FBLN7: variants seen among roughly 807,000 people sequenced by gnomAD.
FBLN7 encodes the protein fibulin-7.
Under a neutral mutation model 44.0 loss-of-function variants are expected in FBLN7, and 31 were observed. That is an observed-to-expected ratio of 0.70 (90% CI 0.53 to 0.95). The LOEUF (loss-of-function observed/expected upper bound fraction) is 0.95. FBLN7 is among the 40% of genes least tolerant of loss of function. The pLI is 0.00. For synonymous variants in FBLN7, 262 were observed against 253.4 expected (o/e 1.03, Z -0.32); for missense variants, 573 against 618.5 (o/e 0.93, Z 0.78).
chr2:112,138,625 C>T lies in FBLN7; in HGVS notation c.-31C>T. On this transcript the variant is annotated 5_prime_UTR_variant, in exon 1 of 8. Coordinates refer to ENST00000331203, the MANE Select transcript of FBLN7 (RefSeq NM_153214.3). ...CGGCAGCGGAGGCAAAGTTATTTCC[C>T]CTCCCAGGCAGCGGGATTCCGACTG... The T allele has an allele frequency of 4.3e-6, 7 of 1,613,716 alleles. No homozygotes were observed. The highest frequency in any genetic ancestry group is 5.9e-6 in the Non-Finnish European group (7 of 1,179,836).
the FBLN7 span, among the ~76,000 whole-genome samples, chr2:112,238,792 T>C: frequency 6.6e-6 from 1 of 152,252 alleles, no homozygotes; most frequent in Non-Finnish European, 1.5e-5. Context: ...AAATTCTAAA[T>C]TTGTACATTG....
At chr2:112,168,340 A>G (rs924464677) in intron 3 of FBLN7, among the ~76,000 whole-genome samples, 5 of 152,244 alleles carry the variant, frequency 3.3e-5, no homozygotes, top group Non-Finnish European at 5.9e-5. Context: ...GGTGATGGCC[A>G]GTCCAGGATG....
At chr2:112,140,485 G>A (rs1680585760) in intron 1 of FBLN7, among the ~76,000 whole-genome samples, 1 of 152,160 alleles carries the variant, frequency 6.6e-6, no homozygotes. Flanking sequence ...AGAGGTGCAG[G>A]GTCCCCCACC....
intron 2 of FBLN7, among the ~76,000 whole-genome samples, chr2:112,160,779 C>T (rs1246915578): frequency 6.9e-6 from 1 of 144,102 alleles, no homozygotes; most frequent in African/African-American, 2.6e-5. Flanking sequence ...CGCAGACGCA[C>T]ACGCACGCAC....
chr2:112,159,974 TTTTA>T, intron 2 of FBLN7, 139 bp downstream of exon 2: 1 of 572,478 alleles, frequency 1.7e-6, no homozygotes, highest in Non-Finnish European at 2.6e-6. Context: ...GCCCCCCCTT[TTTTA>T]TTTATTATTT....
chr2:112,167,506 A>T (rs929179102), intron 3 of FBLN7, among the ~76,000 whole-genome samples: 11 of 152,100 alleles, frequency 7.2e-5, no homozygotes, highest in African/African-American at 2.7e-4. Context: ...GACCCCCTCA[A>T]TGGAAAAGAG....
downstream of FBLN7, chr2:112,189,732 A>G (rs1384223370): frequency 6.6e-6 from 1 of 152,230 alleles, no homozygotes; most frequent in South Asian, 2.1e-4. Flanking sequence ...TCAACAATGA[A>G]CACATGGCCA....
At chr2:112,192,310 T>C (rs1683517040), downstream of FBLN7, among the ~76,000 whole-genome samples, 1 of 152,200 alleles carries the variant, frequency 6.6e-6, no homozygotes, top group African/African-American at 2.4e-5. Flanking sequence ...AACATTCTTG[T>C]TCCTGAATCA....
At chr2:112,146,285 C>A (rs933097035) in intron 1 of FBLN7, among the ~76,000 whole-genome samples, 6 of 152,202 alleles carry the variant, frequency 3.9e-5, no homozygotes, top group Admixed American at 3.9e-4. Context: ...TGAGATCACA[C>A]CATGGCACTC....
chr2:112,232,313 T>TC, the FBLN7 span, among the ~76,000 whole-genome samples: 5 of 60,442 alleles, frequency 8.3e-5, no homozygotes, highest in Non-Finnish European at 1.5e-4. Context: ...AGATAATGTC[T>TC]CAAAAAAAAA....
the FBLN7 span, among the ~76,000 whole-genome samples, chr2:112,200,751 G>C: frequency 3.3e-5 from 5 of 152,102 alleles, no homozygotes; most frequent in African/African-American, 1.2e-4. Context: ...GGCTGGTCTC[G>C]AACTCCTGAG....
the FBLN7 span, chr2:112,234,073 A>G: frequency 9.3e-7 from 1 of 1,071,766 alleles, no homozygotes; most frequent in Non-Finnish European, 1.3e-6. Flanking sequence ...TCAAACAGAA[A>G]GAGCAGTTTT....
the FBLN7 span, among the ~76,000 whole-genome samples, chr2:112,197,419 A>T: frequency 6.6e-6 from 1 of 152,162 alleles, no homozygotes; most frequent in African/African-American, 2.4e-5. Context: ...AGCTAGGAAA[A>T]GATAAGGAAG....
chr2:112,146,284 A>G (rs762028774), intron 1 of FBLN7, among the ~76,000 whole-genome samples: 1 of 152,210 alleles, frequency 6.6e-6, no homozygotes, highest in Non-Finnish European at 1.5e-5. Flanking sequence ...CTGAGATCAC[A>G]CCATGGCACT....
chr2:112,213,775 C>CAAAAAAA, the FBLN7 span: 27 of 24,076 alleles, frequency 1.1e-3, 2 homozygotes, highest in African/African-American at 5.2e-3. Context: ...GACTCCGTCT[C>CAAAAAAA]AAAAAAAAAA....
chr2:112,141,131 C>A (rs1680626789), intron 1 of FBLN7, among the ~76,000 whole-genome samples: 1 of 152,202 alleles, frequency 6.6e-6, no homozygotes, highest in Non-Finnish European at 1.5e-5. Flanking sequence ...CAGCGGAGAG[C>A]CTGCACACGG....
chr2:112,156,255 G>A (rs928984846), intron 1 of FBLN7, among the ~76,000 whole-genome samples: 4 of 152,218 alleles, frequency 2.6e-5, no homozygotes, highest in African/African-American at 9.7e-5. Context: ...AAAGGAGGCA[G>A]TCCATTGGGG....
the FBLN7 span, chr2:112,215,815 GAT>G: frequency 6.6e-6 from 1 of 152,080 alleles, no homozygotes; most frequent in Non-Finnish European, 1.5e-5. Flanking sequence ...CAATGAGAAA[GAT>G]AAATATTCTT....
the FBLN7 span, chr2:112,233,222 ATATT>A: frequency 1.6e-6 from 2 of 1,220,750 alleles, no homozygotes; most frequent in Non-Finnish European, 2.2e-6. Flanking sequence ...GTTCATGTAA[ATATT>A]TATAAAGTCA....
Sources: gnomAD v4.1 joint callset for allele counts (sites outside exome capture counted in the v4.1 genomes callset) on GRCh38, gnomAD v4.1.1 for gene constraint, MANE v1.5 for transcripts, NCBI Gene and HGNC (gene_info 2026-07-23, HGNC 2026-07-21) for gene names.